OASL: variants seen among roughly 807,000 people sequenced by gnomAD.
The protein encoded by OASL is 2'-5'-oligoadenylate synthetase like, also known as 2'-5'-oligoadenylate synthase-like protein.
In OASL, 28 loss-of-function variants were observed where a neutral mutation model predicts 35.3. The ratio of observed to expected loss-of-function variants is 0.79; its 90% CI spans 0.59 to 1.09. The LOEUF (loss-of-function observed/expected upper bound fraction) is 1.09. Ranked by LOEUF, OASL falls within the 50% of genes least tolerant of loss-of-function variation. The pLI, the probability that OASL is intolerant of heterozygous loss-of-function variation, is 0.00. For synonymous variants in OASL, 252 were observed against 254.6 expected (o/e 0.99, Z 0.10); for missense variants, 620 against 635.2 (o/e 0.98, Z 0.26).
At chr12:121,039,214 G>A (rs1484932132) in exon 1 of OASL, 9 of 539,574 alleles carry the variant, frequency 1.7e-5, no homozygotes, top group Non-Finnish European at 3.0e-5. Context: ...AATATCTGGG[G>A]CCACCTTAAC....
chr12:121,020,609 A>T (rs1869188018), exon 6 of OASL: 2 of 1,612,600 alleles, frequency 1.2e-6, no homozygotes, highest in Non-Finnish European at 1.7e-6. Context: ...AGAGGATGAG[A>T]GTGTCACTGT....
At chr12:121,029,600 A>C (rs1471789634) in intron 3 of OASL, among the ~76,000 whole-genome samples, 1 of 152,120 alleles carries the variant, frequency 6.6e-6, no homozygotes, top group Non-Finnish European at 1.5e-5. Context: ...AGGCAGGAGA[A>C]TGGCATGAAC....
At chr12:121,018,869 C>CAAAAAAAAAAAAAA (rs1158102389), downstream of OASL, among the ~76,000 whole-genome samples, 1 of 55,296 alleles carries the variant, frequency 1.8e-5, no homozygotes. Flanking sequence ...GACTCCATCT[C>CAAAAAAAAAAAAAA]AAAAAAAAAA....
chr12:121,033,519 C>T (rs1225832557), exon 2 of OASL: 2 of 1,614,158 alleles, frequency 1.2e-6, no homozygotes, highest in South Asian at 2.2e-5. Flanking sequence ...TCCCCCTGGT[C>T]TGGATGGTGA....
chr12:121,035,762 T>C (rs1185202265), intron 1 of OASL, among the ~76,000 whole-genome samples: 4 of 152,090 alleles, frequency 2.6e-5, no homozygotes, highest in African/African-American at 9.7e-5. Context: ...CAAGGGACCA[T>C]GGGCATTCAG....
chr12:121,039,139 G>A (rs370815392), exon 1 of OASL: 1 of 617,310 alleles, frequency 1.6e-6, no homozygotes, highest in Non-Finnish European at 2.9e-6. Context: ...GCTGACTCCA[G>A]GTCCCCCTTC....
At chr12:121,033,899 T>G (rs1434706564) in intron 1 of OASL, among the ~76,000 whole-genome samples, 156 bp from the exon 2 acceptor site, 2 of 152,136 alleles carry the variant, frequency 1.3e-5, no homozygotes, top group African/African-American at 4.8e-5. Context: ...GTGAGAAAAC[T>G]GAGATGTCTG....
At chr12:121,033,512 C>G in exon 2 of OASL, 1 of 1,614,152 alleles carries the variant, frequency 6.2e-7, no homozygotes, top group East Asian at 2.2e-5. Flanking sequence ...TCCGCAGTCC[C>G]CCTGGTCTGG....
At position 121,020,591 on chromosome 12, in the gene OASL, C is replaced by G. The variant is rs779716237; in HGVS notation, c.1515G>C (p.Lys505Asn). Residue 505 changes from lysine to asparagine, a missense_variant, in exon 6 of 6, where the codon AAG becomes AAC. Lys to Asn is a moderately conservative substitution (Grantham distance 94, BLOSUM62 0). Coordinates refer to ENST00000257570, the Ensembl canonical transcript of OASL. Reference sequence around the variant, plus strand: ...TGGCTGGAAACAGAGCCTCTCCTTTCTTCTTCGAGAGGATGAGAGTGTCAC... The same window carrying G: ...TGGCTGGAAACAGAGCCTCTCCTTTGTTCTTCGAGAGGATGAGAGTGTCAC... 98 of 1,607,362 alleles carry G rather than the reference C, an allele frequency of 6.1e-5. No individual in the cohort carries two copies. The Middle Eastern group carries it at 6.6e-4, about 11-fold the overall frequency.
Position 121,038,735 on chromosome 12 carries a change from G to A in OASL, c.198+39C>T, listed in dbSNP as rs370799754. Reference sequence around the variant, plus strand: ...CCAGGGACGTGGACTCTGATACTGGGTTTTGTCTTGCGTGGGGGCTGGAGG... The same window carrying A: ...CCAGGGACGTGGACTCTGATACTGGATTTTGTCTTGCGTGGGGGCTGGAGG... On this transcript the variant is annotated intron_variant, in intron 1 of 5. Transcript: ENST00000257570. 2.5e-6 allele frequency: 4 copies of A among 1,605,542 alleles called. No individual in the cohort carries two copies. The African/African-American group carries it at 4.0e-5, about 16-fold the overall frequency.
intron 2 of OASL, among the ~76,000 whole-genome samples, chr12:121,031,938 C>T (rs1869752531): frequency 6.6e-6 from 1 of 152,150 alleles, no homozygotes; most frequent in Non-Finnish European, 1.5e-5. Flanking sequence ...AGCCTGTAAT[C>T]CCAGCACTTT....
At chr12:121,021,827 A>G (rs1402742854) in intron 5 of OASL, among the ~76,000 whole-genome samples, 1 of 152,200 alleles carries the variant, frequency 6.6e-6, no homozygotes, top group Non-Finnish European at 1.5e-5. Context: ...AAAACAAAAA[A>G]AGAAAAAGAA....
chr12:121,029,568 G>A (rs934382360), intron 3 of OASL, among the ~76,000 whole-genome samples: 1 of 151,964 alleles, frequency 6.6e-6, no homozygotes, highest in African/African-American at 2.4e-5. Context: ...GGCACCTGTA[G>A]TCCCAGCTAC....
chr12:121,035,302 G>A (rs1465844051), intron 1 of OASL, among the ~76,000 whole-genome samples: 3 of 151,908 alleles, frequency 2.0e-5, no homozygotes, highest in Non-Finnish European at 2.9e-5. Context: ...CAAGGTGGGC[G>A]GATCATGAGG....
chr12:121,025,361 A>G (rs1207784189), intron 4 of OASL, among the ~76,000 whole-genome samples: 1 of 152,200 alleles, frequency 6.6e-6, no homozygotes, highest in South Asian at 2.1e-4. Context: ...GGCTGCCCCC[A>G]AAAGTCTCTC....
At chr12:121,023,545 C>T (rs1242967892) in intron 5 of OASL, among the ~76,000 whole-genome samples, 3 of 152,114 alleles carry the variant, frequency 2.0e-5, no homozygotes, top group Non-Finnish European at 4.4e-5. Flanking sequence ...CTGTCTTGGC[C>T]TCCCAAAGTG....
intron 4 of OASL, among the ~76,000 whole-genome samples, chr12:121,025,351 G>T (rs1043576802): frequency 6.6e-6 from 1 of 152,162 alleles, no homozygotes; most frequent in Non-Finnish European, 1.5e-5. Flanking sequence ...GCAGAGGTTG[G>T]GCTGCCCCCA....
chr12:121,018,207 T>C (rs1400774924), downstream of OASL, among the ~76,000 whole-genome samples: 1 of 152,100 alleles, frequency 6.6e-6, no homozygotes, highest in Admixed American at 6.5e-5. Flanking sequence ...ACAGACAACA[T>C]GAGGCAGTGT....
exon 6 of OASL, chr12:121,020,517 T>C (rs564418214): frequency 6.5e-7 from 1 of 1,546,564 alleles, no homozygotes; most frequent in Admixed American, 1.9e-5. Context: ...GGATGAGTTC[T>C]GGAGTACATG....
Sources: gnomAD v4.1 joint callset for allele counts (sites outside exome capture counted in the v4.1 genomes callset) on GRCh38, gnomAD v4.1.1 for gene constraint, MANE v1.5 for transcripts, NCBI Gene and HGNC (gene_info 2026-07-23, HGNC 2026-07-21) for gene names.